Variants in FOXJ3 observed in about 807,000 individuals in gnomAD.
The protein encoded by FOXJ3 is forkhead box J3.
A neutral mutation model predicts 76.1 loss-of-function variants in FOXJ3; 22 were observed. The ratio of observed to expected loss-of-function variants is 0.29; its 90% CI spans 0.21 to 0.41. FOXJ3 has a LOEUF of 0.41. FOXJ3 is among the 10% of genes least tolerant of loss of function. The pLI is 1.00. For missense variants in FOXJ3, 613 were observed against 762.1 expected, an observed-to-expected ratio of 0.80 and a Z score of 2.30; for synonymous variants, 269 against 261.2, an observed-to-expected ratio of 1.03 and a Z score of -0.29.
At chr1:42,289,743 A>C (rs772500928) in intron 2 of FOXJ3, among the ~76,000 whole-genome samples, 10 of 152,168 alleles carry the variant, frequency 6.6e-5, no homozygotes, top group Non-Finnish European at 1.3e-4. Context: ...CTGAAATAAT[A>C]AATATTACAG....
chr1:42,320,909 G>A (rs149062538), intron 1 of FOXJ3, among the ~76,000 whole-genome samples: 164 of 152,238 alleles, frequency 1.1e-3, no homozygotes, highest in Middle Eastern at 0.01. Context: ...TTGGGCATTT[G>A]ATTCATGTGC....
intron 1 of FOXJ3, chr1:42,315,318 G>T (rs535063607): frequency 1.6e-4 from 86 of 537,680 alleles, no homozygotes; most frequent in Non-Finnish European, 2.0e-4. Flanking sequence ...ACTTTAAAAT[G>T]GTGAACTTCA....
At chr1:42,181,071 T>G (rs1019404293) in intron 12 of FOXJ3, among the ~76,000 whole-genome samples, 4 of 152,246 alleles carry the variant, frequency 2.6e-5, no homozygotes, top group African/African-American at 9.6e-5. Flanking sequence ...CTTCAAGGTT[T>G]TAAATCCACC....
intron 2 of FOXJ3, among the ~76,000 whole-genome samples, chr1:42,303,709 G>A (rs1434018092): frequency 1.3e-5 from 2 of 152,202 alleles, no homozygotes; most frequent in Non-Finnish European, 2.9e-5. Context: ...AATGTGAGCA[G>A]AAGTGATCTC....
intron 2 of FOXJ3, among the ~76,000 whole-genome samples, chr1:42,293,036 G>A (rs1350962244): frequency 1.3e-5 from 2 of 152,124 alleles, no homozygotes; most frequent in Admixed American, 6.5e-5. Context: ...GGAAGGTGGA[G>A]GCTGCAGTGA....
intron 6 of FOXJ3, among the ~76,000 whole-genome samples, chr1:42,204,995 A>G (rs913223083): frequency 6.6e-6 from 1 of 152,230 alleles, no homozygotes; most frequent in South Asian, 2.1e-4. Flanking sequence ...AGAGGGAGAG[A>G]AAAAAAGAGG....
chr1:42,267,264 G>A (rs560642486), intron 3 of FOXJ3, among the ~76,000 whole-genome samples: 6 of 152,102 alleles, frequency 3.9e-5, no homozygotes, highest in Non-Finnish European at 7.4e-5. Context: ...GAGAAGGGAC[G>A]AGAAATCCCC....
chr1:42,224,530 G>A (rs567098484), intron 5 of FOXJ3, among the ~76,000 whole-genome samples: 11 of 151,704 alleles, frequency 7.3e-5, no homozygotes, highest in Non-Finnish European at 1.3e-4. Flanking sequence ...GTGAACGCCT[G>A]TAATCCTAGC....
chr1:42,189,179 T>C, intron 10 of FOXJ3, 124 bp downstream of exon 10: 1 of 729,292 alleles, frequency 1.4e-6, no homozygotes, highest in Non-Finnish European at 2.2e-6. Context: ...ATTATGAATT[T>C]TACCAACTGC....
At chr1:42,213,586 A>T (rs1450079253) in intron 5 of FOXJ3, among the ~76,000 whole-genome samples, 1 of 152,222 alleles carries the variant, frequency 6.6e-6, no homozygotes, top group Non-Finnish European at 1.5e-5. Flanking sequence ...TCATAAAATC[A>T]CTAGTACTAC....
intron 11 of FOXJ3, among the ~76,000 whole-genome samples, chr1:42,186,687 A>G (rs1307453248): frequency 6.6e-6 from 1 of 152,166 alleles, no homozygotes; most frequent in Non-Finnish European, 1.5e-5. Flanking sequence ...GTACTCTGAC[A>G]GAGGACAGCA....
At chr1:42,278,203 A>G (rs991328093) in intron 3 of FOXJ3, 145 bp downstream of exon 3, 8 of 635,232 alleles carry the variant, frequency 1.3e-5, no homozygotes, top group Non-Finnish European at 1.9e-5. Flanking sequence ...TATTCACCTA[A>G]GCTAAAAACT....
chr1:42,191,188 G>T, intron 9 of FOXJ3, 115 bp downstream of exon 9: 2 of 949,264 alleles, frequency 2.1e-6, no homozygotes, highest in Non-Finnish European at 3.1e-6. Flanking sequence ...TAGGATTATA[G>T]CAAGGAAACA....
intron 5 of FOXJ3, among the ~76,000 whole-genome samples, chr1:42,206,877 C>T (rs1280920777): frequency 1.3e-5 from 2 of 152,110 alleles, no homozygotes; most frequent in African/African-American, 4.8e-5. Flanking sequence ...GTTGCCCAGG[C>T]TGTAGTGCAG....
chr1:42,186,439 C>T (rs760288698), intron 11 of FOXJ3, among the ~76,000 whole-genome samples: 1 of 151,998 alleles, frequency 6.6e-6, no homozygotes, highest in Non-Finnish European at 1.5e-5. Context: ...GTTTTTCTAC[C>T]TTTGATAGGC....
At chr1:42,314,847 ATGCACACAAATGATCATT>A (rs950053767) in intron 1 of FOXJ3, among the ~76,000 whole-genome samples, 22 of 152,370 alleles carry the variant, frequency 1.4e-4, no homozygotes, top group South Asian at 1.0e-3. Flanking sequence ...CTACAAAAAC[ATGCACACAAATGATCATT>A]TGCACACAAA....
At chr1:42,253,583 C>G (rs1650296924) in intron 4 of FOXJ3, among the ~76,000 whole-genome samples, 1 of 151,148 alleles carries the variant, frequency 6.6e-6, no homozygotes, top group Non-Finnish European at 1.5e-5. Flanking sequence ...GCTACAGTAA[C>G]CAAAACAGCA....
chr1:42,319,671 T>C (rs908408578), intron 1 of FOXJ3, among the ~76,000 whole-genome samples: 2 of 152,196 alleles, frequency 1.3e-5, no homozygotes, highest in African/African-American at 4.8e-5. Context: ...ATGTGAATTA[T>C]ATCTCAACAA....
intron 4 of FOXJ3, among the ~76,000 whole-genome samples, chr1:42,245,116 G>A (rs1292753996): frequency 1.4e-5 from 2 of 145,394 alleles, no homozygotes. Flanking sequence ...GGAGGCGAAG[G>A]TTGCAGTGAG....
Sources: allele counts gnomAD v4.1 joint callset (sites outside exome capture counted in the v4.1 genomes callset), GRCh38; gene constraint gnomAD v4.1.1; transcripts MANE v1.5; gene names NCBI Gene and HGNC (gene_info 2026-07-23, HGNC 2026-07-21).